Variants in GRIK2 observed in about 807,000 individuals in gnomAD.
GRIK2 encodes the protein glutamate receptor ionotropic, kainate 2.
A neutral mutation model predicts 100.3 loss-of-function variants in GRIK2; 32 were observed. The observed-to-expected ratio is 0.32, with a 90% confidence interval of 0.24 to 0.43. The LOEUF is 0.43. Ranked by LOEUF, GRIK2 falls within the 20% of genes least tolerant of loss-of-function variation. The pLI is 1.00. For missense variants in GRIK2, 843 were observed against 1,114.9 expected (o/e 0.76, Z 3.47); for synonymous variants, 417 against 389.4 (o/e 1.07, Z -0.83).
intron 12 of GRIK2, among the ~76,000 whole-genome samples, chr6:101,920,095 G>T (rs2128468743): frequency 6.6e-6 from 1 of 152,020 alleles, no homozygotes; most frequent in Middle Eastern, 3.4e-3. Context: ...GGGAAAAGAT[G>T]TGCATTAATT....
chr6:102,030,497 C>T (rs1769929652), intron 14 of GRIK2, among the ~76,000 whole-genome samples: 1 of 150,896 alleles, frequency 6.6e-6, no homozygotes, highest in Non-Finnish European at 1.5e-5. Flanking sequence ...CTTCTAAGAG[C>T]TTCACTCCCC....
intron 2 of GRIK2, among the ~76,000 whole-genome samples, chr6:101,443,511 T>G (rs950362345): frequency 3.9e-5 from 6 of 152,162 alleles, no homozygotes; most frequent in Admixed American, 3.3e-4. Context: ...TTCTGAGTTT[T>G]AATCAAGGAA....
chr6:102,054,386 C>CA (rs1205241700), intron 15 of GRIK2, among the ~76,000 whole-genome samples: 1 of 151,406 alleles, frequency 6.6e-6, no homozygotes, highest in East Asian at 1.9e-4. Context: ...AATTTGTACA[C>CA]AAAAAATGGA....
intron 15 of GRIK2, among the ~76,000 whole-genome samples, chr6:102,054,655 A>C (rs1471128419): frequency 6.6e-6 from 1 of 152,096 alleles, no homozygotes; most frequent in East Asian, 1.9e-4. Context: ...AACAAAATAA[A>C]ACCTTGTCTC....
intron 15 of GRIK2, among the ~76,000 whole-genome samples, chr6:102,052,911 T>G (rs369446720): frequency 6.6e-6 from 1 of 152,038 alleles, no homozygotes; most frequent in African/African-American, 2.4e-5. Flanking sequence ...AAACCCCCTC[T>G]GTACTAAAAA....
At chr6:101,557,822 T>G (rs536777475) in intron 2 of GRIK2, among the ~76,000 whole-genome samples, 21 of 152,336 alleles carry the variant, frequency 1.4e-4, no homozygotes, top group Non-Finnish European at 2.5e-4. Flanking sequence ...CTTCTTTATC[T>G]CTCCCTAACA....
intron 4 of GRIK2, among the ~76,000 whole-genome samples, chr6:101,627,104 CGTGT>C (rs200542478): frequency 7.1e-6 from 1 of 141,374 alleles, no homozygotes; most frequent in Non-Finnish European, 1.5e-5. Context: ...TGTGTGTGTG[CGTGT>C]GTGTGTCTCT....
chr6:101,400,246 C>A (rs1775221709), intron 2 of GRIK2, among the ~76,000 whole-genome samples: 1 of 152,106 alleles, frequency 6.6e-6, no homozygotes, highest in South Asian at 2.1e-4. Context: ...AAATGTATTG[C>A]TTTTCTAAGA....
At chr6:102,028,758 C>A (rs942599318) in intron 14 of GRIK2, among the ~76,000 whole-genome samples, 2 of 150,570 alleles carry the variant, frequency 1.3e-5, no homozygotes, top group African/African-American at 4.9e-5. Context: ...AAGTTATAAT[C>A]TTTTTATGTT....
At chr6:101,789,821 A>T (rs1779713483) in intron 7 of GRIK2, among the ~76,000 whole-genome samples, 1 of 152,166 alleles carries the variant, frequency 6.6e-6, no homozygotes, top group Admixed American at 6.5e-5. Flanking sequence ...CATGATATTG[A>T]TTCTTCCTAC....
chr6:101,549,449 A>G (rs925511856), intron 2 of GRIK2, among the ~76,000 whole-genome samples: 5 of 152,028 alleles, frequency 3.3e-5, no homozygotes, highest in Non-Finnish European at 7.4e-5. Context: ...TGGCTCTTTT[A>G]GTTCAATCCT....
intron 7 of GRIK2, among the ~76,000 whole-genome samples, chr6:101,705,187 G>A (rs889089649): frequency 2.0e-5 from 3 of 151,238 alleles, no homozygotes; most frequent in African/African-American, 7.3e-5. Flanking sequence ...TGGCATTAAT[G>A]TGTATAACAT....
chr6:101,940,843 G>A (rs1790912804), intron 14 of GRIK2, among the ~76,000 whole-genome samples: 1 of 152,012 alleles, frequency 6.6e-6, no homozygotes, highest in Admixed American at 6.6e-5. Flanking sequence ...AGTGCACTGA[G>A]GAGTAAAATA....
intron 7 of GRIK2, among the ~76,000 whole-genome samples, chr6:101,689,362 C>G (rs1771932527): frequency 6.6e-6 from 1 of 151,958 alleles, no homozygotes; most frequent in Non-Finnish European, 1.5e-5. Flanking sequence ...TAATCATTTG[C>G]CATTGTGTAA....
At chr6:101,994,482 A>G (rs1794546546) in intron 14 of GRIK2, among the ~76,000 whole-genome samples, 1 of 151,894 alleles carries the variant, frequency 6.6e-6, no homozygotes, top group African/African-American at 2.4e-5. Flanking sequence ...CTAGCATTTT[A>G]AATACTTTTT....
In GRIK2 at chr6:101,767,081, A is replaced by G. The variant is rs75314495; in HGVS notation, c.952-32567A>G. ...GAAATTTGTAAACTTCTGAGAAATTAGAAGTAACTCAGGTAAACATTGAAT... is the reference window on the plus strand; with the variant it reads ...GAAATTTGTAAACTTCTGAGAAATTGGAAGTAACTCAGGTAAACATTGAAT... On this transcript the variant is annotated intron_variant, in intron 7 of 16. Coordinates refer to ENST00000369134, the MANE Select transcript of GRIK2 (RefSeq NM_021956.5). Among the ~76,000 whole-genome samples, 637 of 152,348 alleles carry G rather than the reference A, an allele frequency of 4.2e-3. 4 individuals are homozygous for G. Among genetic ancestry groups the G allele is most frequent in the African/African-American group, 0.015 (614 of 41,590 alleles).
At chr6:102,063,585 G>T (rs947637781) in intron 16 of GRIK2, among the ~76,000 whole-genome samples, 1 of 150,620 alleles carries the variant, frequency 6.6e-6, no homozygotes, top group Non-Finnish European at 1.5e-5. Context: ...AGAAATCTGT[G>T]CTTCTCCAAA....
chr6:101,760,737 T>A (rs1777592645), intron 7 of GRIK2, among the ~76,000 whole-genome samples: 1 of 133,916 alleles, frequency 7.5e-6, no homozygotes, highest in Admixed American at 8.7e-5. Context: ...TATATAATTA[T>A]ATATTTAATT....
At chr6:102,054,368 T>G (rs1191943392) in intron 15 of GRIK2, among the ~76,000 whole-genome samples, 1 of 152,068 alleles carries the variant, frequency 6.6e-6, no homozygotes, top group Non-Finnish European at 1.5e-5. Flanking sequence ...AGGAAAACAC[T>G]ATGGGTGAAT....
Sources: allele counts gnomAD v4.1 joint callset (sites outside exome capture counted in the v4.1 genomes callset), GRCh38; gene constraint gnomAD v4.1.1; transcripts MANE v1.5; gene names NCBI Gene and HGNC (gene_info 2026-07-23, HGNC 2026-07-21).